Variants in DCC observed in about 807,000 individuals in gnomAD.
DCC encodes the protein netrin receptor DCC.
DCC carries 58 observed loss-of-function variants against 172.5 expected under a neutral mutation model. The observed-to-expected ratio is 0.34, with a 90% confidence interval of 0.27 to 0.42. DCC has a LOEUF of 0.42. DCC is among the 10% of genes least tolerant of loss of function. The probability of loss-of-function intolerance (pLI) is 1.00; values close to 1 mark genes in which losing one functional copy is unlikely to be tolerated. For synonymous variants in DCC, 709 were observed against 644.5 expected, an observed-to-expected ratio of 1.10 and a Z score of -1.52; for missense variants, 1,740 against 1,791.0, an observed-to-expected ratio of 0.97 and a Z score of 0.51.
At chr18:52,840,740 A>G (rs2038789703) in intron 2 of DCC, among the ~76,000 whole-genome samples, 1 of 152,170 alleles carries the variant, frequency 6.6e-6, no homozygotes, top group African/African-American at 2.4e-5. Flanking sequence ...TAAAAAGTAA[A>G]ATATTATTCT....
At chr18:53,115,198 T>C (rs1161803405) in intron 7 of DCC, among the ~76,000 whole-genome samples, 1 of 151,612 alleles carries the variant, frequency 6.6e-6, no homozygotes, top group Non-Finnish European at 1.5e-5. Flanking sequence ...AGTTCACTGG[T>C]TGTATGCCAA....
chr18:53,405,021 A>G (rs571181084), intron 19 of DCC, among the ~76,000 whole-genome samples: 1 of 152,254 alleles, frequency 6.6e-6, no homozygotes, highest in Admixed American at 6.5e-5. Flanking sequence ...GGAGCAAACA[A>G]TAAGAACCCT....
In DCC at chr18:52,702,607, A is replaced by C. The variant is rs538345687; in HGVS notation, c.92-49447A>C. 9.9e-5 allele frequency among the ~76,000 whole-genome samples: 15 copies of C among 152,142 alleles called. No individual in the cohort carries two copies. The South Asian group carries it at 3.1e-3, about 32-fold the overall frequency. ...TCCAAGAAAGTACTGGACTCCCTTCATTATTTCAAAACTTAAGTATAATTT... is the reference window on the plus strand; with the variant it reads ...TCCAAGAAAGTACTGGACTCCCTTCCTTATTTCAAAACTTAAGTATAATTT... On this transcript the variant is annotated intron_variant, in intron 1 of 28. Transcript: ENST00000442544.
At chr18:52,565,848 C>G (rs1027258853) in intron 1 of DCC, among the ~76,000 whole-genome samples, 1 of 152,094 alleles carries the variant, frequency 6.6e-6, no homozygotes, top group South Asian at 2.1e-4. Context: ...TTAATTAGAT[C>G]CCATTTGTCA....
chr18:53,035,271 A>G (rs1037182643), intron 5 of DCC, among the ~76,000 whole-genome samples: 7 of 152,070 alleles, frequency 4.6e-5, no homozygotes, highest in Non-Finnish European at 7.4e-5. Flanking sequence ...CGAAATGCAC[A>G]TGATCTCATC....
intron 5 of DCC, among the ~76,000 whole-genome samples, chr18:52,987,675 G>A (rs976158583): frequency 2.6e-5 from 4 of 152,152 alleles, no homozygotes; most frequent in African/African-American, 9.7e-5. Context: ...CACCACTGTA[G>A]TTATTCACTT....
intron 22 of DCC, among the ~76,000 whole-genome samples, chr18:53,438,938 G>A (rs141559970): frequency 8.5e-4 from 130 of 152,320 alleles, no homozygotes; most frequent in African/African-American, 2.3e-3. Flanking sequence ...GTTTAGATGC[G>A]TTATTGACAT....
At chr18:52,986,903 ACCT>A (rs1004838265) in intron 5 of DCC, among the ~76,000 whole-genome samples, 2 of 151,464 alleles carry the variant, frequency 1.3e-5, no homozygotes, top group Non-Finnish European at 2.9e-5. Flanking sequence ...GCTCACTGCA[ACCT>A]CCGCCTCCCA....
intron 2 of DCC, among the ~76,000 whole-genome samples, chr18:52,835,541 ATCATACGATCCTAT>A (rs1875392285): frequency 1.3e-5 from 2 of 152,190 alleles, no homozygotes. Flanking sequence ...TTTTTGTTAT[ATCATACGATCCTAT>A]TTCAGGTCTA....
chr18:53,086,318 TTCTTCC>T (rs1423010655), intron 7 of DCC, among the ~76,000 whole-genome samples: 10 of 39,956 alleles, frequency 2.5e-4, no homozygotes, highest in African/African-American at 4.0e-4. Flanking sequence ...CTTCTTCTTC[TTCTTCC>T]TTTCTTCTTC....
At chr18:53,067,110 A>G (rs147464696) in intron 7 of DCC, among the ~76,000 whole-genome samples, 226 of 152,328 alleles carry the variant, frequency 1.5e-3, no homozygotes, top group African/African-American at 5.2e-3. Flanking sequence ...TGGTGGGGAC[A>G]CAGATTCAGA....
chr18:53,301,089 TTC>T (rs1166985945), intron 12 of DCC, among the ~76,000 whole-genome samples: 1 of 151,226 alleles, frequency 6.6e-6, no homozygotes, highest in Non-Finnish European at 1.5e-5. Flanking sequence ...CTTTCTTTCT[TTC>T]TCTCTTTCTT....
intron 1 of DCC, among the ~76,000 whole-genome samples, chr18:52,383,767 T>C (rs2144330263): frequency 6.6e-6 from 1 of 152,202 alleles, no homozygotes; most frequent in South Asian, 2.1e-4. Flanking sequence ...TTGGAGTTTC[T>C]GTTGGTGTAT....
chr18:52,560,606 T>C (rs1028588879), intron 1 of DCC, among the ~76,000 whole-genome samples: 1 of 152,182 alleles, frequency 6.6e-6, no homozygotes, highest in Non-Finnish European at 1.5e-5. Flanking sequence ...AAAAGACACC[T>C]CTTAAATACT....
intron 1 of DCC, among the ~76,000 whole-genome samples, chr18:52,422,692 T>G (rs1987289561): frequency 6.6e-6 from 1 of 152,160 alleles, no homozygotes; most frequent in Non-Finnish European, 1.5e-5. Flanking sequence ...GACAAGTGCT[T>G]TGTGAAGGTG....
chr18:52,542,385 C>A (rs1277941517), intron 1 of DCC, among the ~76,000 whole-genome samples: 1 of 152,026 alleles, frequency 6.6e-6, no homozygotes, highest in Non-Finnish European at 1.5e-5. Context: ...TTAAATTAAG[C>A]CACAGAACCA....
At chr18:53,514,344 G>A (rs1057438788) in intron 27 of DCC, among the ~76,000 whole-genome samples, 4 of 151,962 alleles carry the variant, frequency 2.6e-5, no homozygotes, top group African/African-American at 4.8e-5. Context: ...CCACAAGAGA[G>A]AGCAGGAAAG....
intron 7 of DCC, among the ~76,000 whole-genome samples, chr18:53,099,707 A>C (rs1014955707): frequency 1.3e-5 from 2 of 152,110 alleles, no homozygotes; most frequent in African/African-American, 4.8e-5. Flanking sequence ...GTAAGTTCCT[A>C]AAGGAGGTTT....
intron 24 of DCC, among the ~76,000 whole-genome samples, chr18:53,465,972 G>A (rs2045615580): frequency 6.6e-6 from 1 of 152,156 alleles, no homozygotes; most frequent in Admixed American, 6.5e-5. Context: ...CACCATGTTA[G>A]CCAGGATGGT....
Sources: allele counts gnomAD v4.1 joint callset (sites outside exome capture counted in the v4.1 genomes callset), GRCh38; gene constraint gnomAD v4.1.1; transcripts MANE v1.5; gene names NCBI Gene and HGNC (gene_info 2026-07-23, HGNC 2026-07-21).